FAR2: variants seen among roughly 807,000 people sequenced by gnomAD.
FAR2 encodes the protein epididymis secretory protein Li 81.
A neutral mutation model predicts 56.0 loss-of-function variants in FAR2; 19 were observed. The ratio of observed to expected loss-of-function variants is 0.34; its 90% CI spans 0.24 to 0.50. The LOEUF is 0.50. Among genes scored for constraint, FAR2 ranks in the 20% least tolerant of loss-of-function variants. FAR2 has a pLI of 0.98. For missense variants in FAR2, 508 were observed against 642.2 expected, an observed-to-expected ratio of 0.79 and a Z score of 2.26; for synonymous variants, 219 against 218.8, an observed-to-expected ratio of 1.00 and a Z score of -0.01.
rs571597014 is a variant in FAR2 at position 29,269,728 on chromosome 12, G to A, written c.-38-684G>A. Among the ~76,000 whole-genome samples, 19 of 152,254 alleles carry A rather than the reference G, an allele frequency of 1.2e-4. No homozygotes were observed. In the South Asian group the frequency reaches 2.9e-3, roughly 23 times the overall value. ...ACGTTCTTCTGCCATGGCTTCAGCC[G>A]GTCCCTCTGTTTAAGGTCCTTGACT... On this transcript the variant is annotated intron_variant, in intron 1 of 11. Coordinates refer to ENST00000536681, the MANE Select transcript of FAR2 (RefSeq NM_001271783.2).
chr12:29,154,577 G>A lies in FAR2; in HGVS notation c.-39+5170G>A, dbSNP rs1234830910. 3.9e-5 allele frequency among the ~76,000 whole-genome samples: 6 copies of A among 152,160 alleles called. No homozygotes were observed. In the East Asian group the frequency reaches 1.2e-3, roughly 29 times the overall value. On this transcript the variant is annotated intron_variant, in intron 1 of 11. Coordinates refer to ENST00000536681, the MANE Select transcript of FAR2 (RefSeq NM_001271783.2). ...AGCCTCCTGAGTAGCTGGGACTATAGGCGCCCACCACCACGCCTGGCTAAT... is the reference window on the plus strand; with the variant it reads ...AGCCTCCTGAGTAGCTGGGACTATAAGCGCCCACCACCACGCCTGGCTAAT...
chr12:29,324,291 C>T (rs376507833), intron 10 of FAR2, among the ~76,000 whole-genome samples: 41 of 152,238 alleles, frequency 2.7e-4, no homozygotes, highest in African/African-American at 7.5e-4. Flanking sequence ...CTGAAAGTGA[C>T]GGGGAGAATG....
At chr12:29,173,364 A>G (rs139156045) in intron 1 of FAR2, among the ~76,000 whole-genome samples, 1 of 152,074 alleles carries the variant, frequency 6.6e-6, no homozygotes, top group African/African-American at 2.4e-5. Flanking sequence ...AAGGGGAGCA[A>G]TAGGGAGGCT....
At chr12:29,221,623 C>T (rs1565476666) in intron 1 of FAR2, among the ~76,000 whole-genome samples, 1 of 152,110 alleles carries the variant, frequency 6.6e-6, no homozygotes, top group Admixed American at 6.5e-5. Context: ...ATTTTAGACA[C>T]TTTATTTCCT....
chr12:29,316,998 T>C lies in FAR2; in HGVS notation c.1113T>C (p.Thr371=). ...AIIYDCYLRL[T]GRKPRMTKLM... is the part of the protein sequence containing the mutation. ...TCTATGACTGCTATCTGCGGCTCAC[T>C]GGAAGGAAGCCCAGGTGAGAAGCTG... is the stretch of plus-strand genomic sequence containing the variant. The change falls in exon 9 of 12, where the codon ACT becomes ACC. Residue 371 remains threonine, a synonymous_variant. Coordinates refer to ENST00000536681, the MANE Select transcript of FAR2 (RefSeq NM_001271783.2). The C allele has an allele frequency of 6.2e-7, 1 of 1,613,098 alleles. No individual in the cohort carries two copies. The highest frequency in any genetic ancestry group is 2.2e-5 in the East Asian group (1 of 44,846).
intron 1 of FAR2, among the ~76,000 whole-genome samples, chr12:29,161,321 C>T (rs1949779921): frequency 6.6e-6 from 1 of 152,234 alleles, no homozygotes; most frequent in Non-Finnish European, 1.5e-5. Context: ...ACTGTCTTGA[C>T]TTCTAAGTCA....
intron 9 of FAR2, 120 bp downstream of exon 9, chr12:29,317,132 C>A: frequency 9.4e-7 from 1 of 1,064,170 alleles, no homozygotes; most frequent in Non-Finnish European, 1.3e-6. Flanking sequence ...CCCATATATA[C>A]AGATTGAACA....
intron 1 of FAR2, among the ~76,000 whole-genome samples, chr12:29,259,665 A>G (rs2136690902): frequency 6.6e-6 from 1 of 152,284 alleles, no homozygotes. Context: ...ATTCATAACC[A>G]TGGAAAATTG....
chr12:29,307,557 G>A (rs1372865945), intron 4 of FAR2, 101 bp from the exon 5 acceptor site: 26 of 1,196,186 alleles, frequency 2.2e-5, no homozygotes, highest in African/African-American at 4.6e-5. Flanking sequence ...TTCCAGAACC[G>A]AGGCTAAAAG....
At chr12:29,288,661 C>G (rs1948912197) in intron 2 of FAR2, among the ~76,000 whole-genome samples, 1 of 152,112 alleles carries the variant, frequency 6.6e-6, no homozygotes, top group South Asian at 2.1e-4. Flanking sequence ...AATTACATTA[C>G]TTCAAGCTCC....
At chr12:29,181,392 G>T (rs1314584123) in intron 1 of FAR2, among the ~76,000 whole-genome samples, 1 of 152,106 alleles carries the variant, frequency 6.6e-6, no homozygotes, top group Non-Finnish European at 1.5e-5. Flanking sequence ...AGGAGAACAT[G>T]TTCTATGGAA....
At chr12:29,282,628 C>G (rs1168010925) in intron 2 of FAR2, among the ~76,000 whole-genome samples, 3 of 151,888 alleles carry the variant, frequency 2.0e-5, no homozygotes, top group Non-Finnish European at 4.4e-5. Flanking sequence ...ACATAGTAAC[C>G]AAAAATGTTA....
chr12:29,224,121 T>C (rs936298067), intron 1 of FAR2, among the ~76,000 whole-genome samples: 1 of 152,222 alleles, frequency 6.6e-6, no homozygotes, highest in Admixed American at 6.5e-5. Flanking sequence ...TAAAAATAAG[T>C]ACTTGGTTCA....
intron 3 of FAR2, among the ~76,000 whole-genome samples, chr12:29,294,965 T>G (rs1484387339): frequency 6.6e-6 from 1 of 152,204 alleles, no homozygotes; most frequent in Non-Finnish European, 1.5e-5. Flanking sequence ...TTAAACTAAA[T>G]TTCAGTTTTT....
At chr12:29,150,522 G>A (rs569898843) in intron 1 of FAR2, among the ~76,000 whole-genome samples, 1 of 152,310 alleles carries the variant, frequency 6.6e-6, no homozygotes, top group Admixed American at 6.5e-5. Flanking sequence ...ACCCATCTCT[G>A]TATATTCCCA....
At chr12:29,206,266 C>G in intron 1 of FAR2, among the ~76,000 whole-genome samples, 1 of 152,208 alleles carries the variant, frequency 6.6e-6, no homozygotes, top group East Asian at 1.9e-4. Flanking sequence ...CAGATTGTTG[C>G]AACATTCCTT....
intron 4 of FAR2, among the ~76,000 whole-genome samples, chr12:29,299,166 T>C (rs1247591491): frequency 6.9e-6 from 1 of 144,334 alleles, no homozygotes; most frequent in African/African-American, 2.6e-5. Flanking sequence ...TGAGCTGAGA[T>C]TGCACCATTG....
chr12:29,263,534 T>C (rs976107407), intron 1 of FAR2, among the ~76,000 whole-genome samples: 19 of 151,782 alleles, frequency 1.3e-4, no homozygotes, highest in African/African-American at 4.6e-4. Context: ...AATTAAACAA[T>C]ATGCTCCTGA....
intron 2 of FAR2, among the ~76,000 whole-genome samples, chr12:29,288,302 T>C (rs1331249003): frequency 6.6e-6 from 1 of 152,150 alleles, no homozygotes; most frequent in Non-Finnish European, 1.5e-5. Flanking sequence ...GTTTTGATGA[T>C]GGTGAGCAGC....
Sources: gnomAD v4.1 joint callset for allele counts (sites outside exome capture counted in the v4.1 genomes callset) on GRCh38, gnomAD v4.1.1 for gene constraint, MANE v1.5 for transcripts, NCBI Gene and HGNC (gene_info 2026-07-23, HGNC 2026-07-21) for gene names.